CAPG: variants seen among roughly 807,000 people sequenced by gnomAD.
The protein encoded by CAPG is macrophage-capping protein.
Under a neutral mutation model 44.6 loss-of-function variants are expected in CAPG, and 32 were observed. The observed-to-expected ratio is 0.72, with a 90% CI of 0.54 to 0.96. The LOEUF is 0.96. Among genes scored for constraint, CAPG ranks in the 50% least tolerant of loss-of-function variants. CAPG has a pLI of 0.00. For missense variants in CAPG, 412 were observed against 438.3 expected, an observed-to-expected ratio of 0.94 and a Z score of 0.54; for synonymous variants, 175 against 179.6, an observed-to-expected ratio of 0.97 and a Z score of 0.20.
Position 85,398,007 on chromosome 2 carries a change from A to C in CAPG, c.892+13T>G. The C allele has an allele frequency of 5.6e-6, 9 of 1,612,480 alleles. No homozygotes were observed. Among genetic ancestry groups the C allele is most frequent in the Non-Finnish European group, 7.6e-6 (9 of 1,179,048 alleles). The stretch of plus-strand genomic sequence containing the variant: ...CTACAGGCATCTCAGGCTGTTACAG[A>C]GGAGCCACGTACCCTTCCAGATATA... On this transcript the variant is annotated intron_variant, in intron 8 of 9. Coordinates refer to ENST00000263867, the MANE Select transcript of CAPG (RefSeq NM_001747.4).
At position 85,395,455 on chromosome 2, in the gene CAPG, C is replaced by T; in HGVS notation, c.981+83G>A. ...GTTCCTGACAGTGCCCAAGGCTCTCCTGCCCTTCCTGGCCAATTTGAGGGG... is the reference window on the plus strand; with the variant it reads ...GTTCCTGACAGTGCCCAAGGCTCTCTTGCCCTTCCTGGCCAATTTGAGGGG... On this transcript the variant is annotated intron_variant, in intron 9 of 9. Transcript: ENST00000263867. This position sits in a 1 kb window ranked among gnomAD's most constrained non-coding sequence, Gnocchi z 4.3. The T allele has an allele frequency of 8.9e-7, 1 of 1,128,862 alleles. No individual in the cohort carries two copies. The allele number at this position is 1,128,862 out of a possible 1,614,324, so 69.9% of individuals were successfully genotyped here. A position where few individuals can be genotyped will look rare whatever the true frequency, so the allele number is the denominator to read the frequency against.
chr2:85,393,004 G>C (rs1686441168), downstream of CAPG, among the ~76,000 whole-genome samples: 1 of 152,096 alleles, frequency 6.6e-6, no homozygotes, highest in South Asian at 2.1e-4. Context: ...CTGGTTGTGA[G>C]GGGTACCTGA....
upstream of CAPG, among the ~76,000 whole-genome samples, chr2:85,413,495 G>A: frequency 6.6e-6 from 1 of 152,152 alleles, no homozygotes; most frequent in South Asian, 2.1e-4. Context: ...CAGGAGAATC[G>A]CTTGAACCCG....
At chr2:85,412,118 AT>A (rs748988280), upstream of CAPG, among the ~76,000 whole-genome samples, 1 of 152,080 alleles carries the variant, frequency 6.6e-6, no homozygotes, top group Non-Finnish European at 1.5e-5. Flanking sequence ...AATTGATAAA[AT>A]TTCACTAGAG....
At chr2:85,403,628 C>T (rs147055812) in intron 1 of CAPG, among the ~76,000 whole-genome samples, 13,189 of 152,122 alleles carry the variant, frequency 0.087, 616 homozygotes, top group South Asian at 0.16. Flanking sequence ...GTGGCTCACG[C>T]CTGTAATCCC....
chr2:85,398,245 C>T, intron 7 of CAPG, 93 bp from the exon 8 acceptor site: 1 of 1,436,056 alleles, frequency 7.0e-7, no homozygotes. Context: ...CTAGGTCCCT[C>T]CCACTGTGCC....
chr2:85,398,706 G>A lies in CAPG; in HGVS notation c.743C>T (p.Ala248Val). The stretch of plus-strand genomic sequence containing the variant: ...GGGGCCCACCTTATACAGAGCTGCG[G>A]CCTGGGCATTTGCCTTGTCAGCTGT... Reference protein sequence around the residue: ...DLTADKANAQAAALYKVSDAT... With the variant: ...DLTADKANAQVAALYKVSDAT... Residue 248 changes from alanine to valine, a missense_variant, in exon 7 of 10, where the codon GCC (alanine) becomes GTC (valine). Physicochemically the swap from Ala to Val is moderately conservative, Grantham distance 64. Transcript: ENST00000263867. 6.2e-7 allele frequency: 1 copy of A among 1,603,876 alleles called. No homozygotes were observed.
chr2:85,393,356 A>G (rs150109533), downstream of CAPG, among the ~76,000 whole-genome samples: 4 of 152,178 alleles, frequency 2.6e-5, no homozygotes, highest in Non-Finnish European at 5.9e-5. Flanking sequence ...TAATCTGTGT[A>G]TATTTATAGG....
intron 1 of CAPG, among the ~76,000 whole-genome samples, chr2:85,402,903 T>G (rs1032818038): frequency 1.3e-5 from 2 of 152,016 alleles, no homozygotes; most frequent in African/African-American, 4.8e-5. Context: ...CCCAAGTAGC[T>G]GGGATTACAG....
chr2:85,410,590 A>C (rs550941311), upstream of CAPG: 1 of 152,494 alleles, frequency 6.6e-6, no homozygotes, highest in East Asian at 1.9e-4. Context: ...GGAGGTCCAC[A>C]CAGCCCCACC....
intron 1 of CAPG, among the ~76,000 whole-genome samples, chr2:85,405,454 T>C (rs1288103698): frequency 6.6e-6 from 1 of 151,914 alleles, no homozygotes; most frequent in Non-Finnish European, 1.5e-5. Context: ...GCTTGGGGAA[T>C]TGGAGGGTAA....
chr2:85,393,665 A>T (rs952783863), downstream of CAPG, among the ~76,000 whole-genome samples: 11 of 152,120 alleles, frequency 7.2e-5, no homozygotes, highest in Admixed American at 2.6e-4. Flanking sequence ...CCCGGGTTTA[A>T]GCGATTCTCC....
rs1454358596 is a variant in CAPG, at chr2:85,398,770, T to G, written c.679A>C (p.Lys227Gln). 1.9e-6 allele frequency: 3 copies of G among 1,604,514 alleles called. No homozygotes were observed. Among genetic ancestry groups the G allele is most frequent in the African/African-American group, 1.3e-5 (1 of 74,814 alleles). Residue 227 changes from lysine (K) to glutamine (Q), a missense_variant, in exon 7 of 10, where the codon AAG becomes CAG. Lys to Gln is a moderately conservative substitution (Grantham distance 53). Transcript: ENST00000263867. ...PAEMIQVLGP[K>Q]PALKEGNPEE... Reference sequence around the variant, plus strand: ...GGGTTGCCCTCCTTCAGAGCAGGCTTGGGGCCCAGGACCTGCAGGGGCCAG... The same window carrying G: ...GGGTTGCCCTCCTTCAGAGCAGGCTGGGGGCCCAGGACCTGCAGGGGCCAG...
Position 85,401,584 on chromosome 2 carries a change from T to C in CAPG, c.296A>G (p.Gln99Arg). 1 of 1,614,210 alleles carries C rather than the reference T, an allele frequency of 6.2e-7. No homozygotes were observed. The highest frequency in any genetic ancestry group is 8.5e-7 in the Non-Finnish European group (1 of 1,180,018). The change falls in exon 4 of 10, where the codon CAG (glutamine) becomes CGG (arginine). Residue 99 changes from glutamine (Q) to arginine (R), a missense_variant. Transcript: ENST00000263867. ...CATGAAGAGGTCAGACTCATTGCCC[T>C]GCACCTCGCGGTGCTGCACAGGCCG... ...GERPVQHREVQGNESDLFMSY... is the reference protein window; with the variant it reads ...GERPVQHREVRGNESDLFMSY...
chr2:85,404,620 C>T (rs138364243), intron 1 of CAPG, among the ~76,000 whole-genome samples: 13,183 of 151,912 alleles, frequency 0.087, 613 homozygotes, highest in South Asian at 0.16. Flanking sequence ...TGGTGGCATG[C>T]GTCTGTAATC....
Position 85,395,598 on chromosome 2 carries a change from C to T in CAPG, c.921G>A (p.Gln307=). ...AGCCCTCGGCCACCTGCAGGGCTGC[C>T]TGCCGCTCCTTCTCATTCGCTTTTC... ...KGRKANEKER[Q]AALQVAEGFI... is the part of the protein sequence containing the mutation. Residue 307 remains glutamine, a synonymous_variant, in exon 9 of 10, where the codon CAG becomes CAA. Transcript: ENST00000263867. This position sits in a 1 kb window ranked among gnomAD's most constrained non-coding sequence, Gnocchi z 4.3. The T allele has an allele frequency of 6.2e-7, 1 of 1,614,010 alleles. No individual in the cohort carries two copies. The highest frequency in any genetic ancestry group is 8.5e-7 in the Non-Finnish European group (1 of 1,179,936).
In CAPG at chr2:85,398,344, C is replaced by A. The variant is rs971350076; in HGVS notation, c.760-192G>T. 8 of 644,234 alleles carry A rather than the reference C, an allele frequency of 1.2e-5. No homozygotes were observed. The African/African-American group carries it at 1.5e-4, about 12-fold the overall frequency. 39.9% of individuals were successfully genotyped at this position (644,234 alleles called of 1,614,324 possible). A position where few individuals can be genotyped will look rare whatever the true frequency, so the allele number is the denominator to read the frequency against. On this transcript the variant is annotated intron_variant, in intron 7 of 9. Transcript: ENST00000263867. ...AGGCAGCCCCACTCCCTCTCATCAC[C>A]CCAATCCCTGCAGCACAGGGGCCCC...
chr2:85,398,728 C>G lies in CAPG; in HGVS notation c.721G>C (p.Ala241Pro). The change falls in exon 7 of 10, where the codon GCT becomes CCT. Residue 241 changes from alanine to proline, a missense_variant. By Grantham distance (27) the Ala-to-Pro change is conservative. Coordinates refer to ENST00000263867, the MANE Select transcript of CAPG (RefSeq NM_001747.4). ...KEGNPEEDLT[A>P]DKANAQAAAL... is the part of the protein sequence containing the mutation. ...GCGGCCTGGGCATTTGCCTTGTCAG[C>G]TGTGAGGTCTTCCTCAGGGTTGCCC... 1 of 1,607,788 alleles carries G rather than the reference C, an allele frequency of 6.2e-7. No homozygotes were observed.
chr2:85,413,137 G>T (rs1328854725), upstream of CAPG: 9 of 152,228 alleles, frequency 5.9e-5, no homozygotes, highest in African/African-American at 1.9e-4. Flanking sequence ...TCACAACAGC[G>T]CATACCTTGG....
Sources: allele counts gnomAD v4.1 joint callset (sites outside exome capture counted in the v4.1 genomes callset), GRCh38; gene constraint gnomAD v4.1.1; non-coding constraint Gnocchi (gnomAD v3.1); transcripts MANE v1.5; gene names NCBI Gene and HGNC (gene_info 2026-07-23, HGNC 2026-07-21).